The following TTLL5 variants were observed in gnomAD, a reference collection of about 807,000 sequenced individuals.
TTLL5 encodes the protein tubulin tyrosine ligase like 5.
A neutral mutation model predicts 168.4 loss-of-function variants in TTLL5; 132 were observed. The ratio of observed to expected loss-of-function variants is 0.78; its 90% CI spans 0.68 to 0.91. TTLL5 has a LOEUF of 0.91. Among genes scored for constraint, TTLL5 ranks in the 40% least tolerant of loss-of-function variants. The pLI, the probability that TTLL5 is intolerant of heterozygous loss-of-function variation, is 0.00. For synonymous variants in TTLL5, 546 were observed against 558.6 expected (o/e 0.98, Z 0.32); for missense variants, 1,545 against 1,581.5 (o/e 0.98, Z 0.39).
At chr14:75,757,678 TTATC>T (rs1194589224) in intron 18 of TTLL5, among the ~76,000 whole-genome samples, 3 of 152,244 alleles carry the variant, frequency 2.0e-5, no homozygotes, top group African/African-American at 7.2e-5. Context: ...TGTTCTCAAT[TTATC>T]TGTCTGCTTT....
At chr14:75,897,511 T>C (rs139446960) in intron 30 of TTLL5, among the ~76,000 whole-genome samples, 104 of 152,174 alleles carry the variant, frequency 6.8e-4, no homozygotes, top group Non-Finnish European at 1.3e-3. Flanking sequence ...AGTTTCACTC[T>C]TGTCACCCAG....
Position 75,836,309 on chromosome 14 carries a change from G to A in TTLL5, c.3326+16148G>A, listed in dbSNP as rs149033922. ...AGGCACAGAAAGACAAATTTTGCAT[G>A]TTCTCACTTACTTGTGGGAGCCAAA... On this transcript the variant is annotated intron_variant, in intron 28 of 31. Coordinates refer to ENST00000298832, the MANE Select transcript of TTLL5 (RefSeq NM_015072.5). Among the ~76,000 whole-genome samples, 995 of 151,722 alleles carry A rather than the reference G, an allele frequency of 6.6e-3. 13 individuals carry two copies. Among genetic ancestry groups the A allele is most frequent in the African/African-American group, 0.023 (954 of 41,350 alleles).
At chr14:75,736,844 G>A (rs1446125447) in intron 15 of TTLL5, among the ~76,000 whole-genome samples, 2 of 152,198 alleles carry the variant, frequency 1.3e-5, no homozygotes, top group African/African-American at 4.8e-5. Context: ...TACCAGGGTT[G>A]TACTTGATCA....
chr14:75,861,043 C>CT (rs1257627110), intron 28 of TTLL5, among the ~76,000 whole-genome samples: 1 of 152,182 alleles, frequency 6.6e-6, no homozygotes, highest in East Asian at 1.9e-4. Flanking sequence ...TTTTAACTGT[C>CT]TGATAACATG....
chr14:75,863,865 A>AATTCAAG lies in TTLL5; in HGVS notation c.3522+6_3522+12dup. On this transcript the variant is annotated splice_donor_region_variant and intron_variant, in intron 29 of 31. Transcript: ENST00000298832. Reference sequence around the variant, plus strand: ...ACCAGAGTCGAGCCCGGCACCAGGTAATTCAAGATAAGTCTTTTCCATGTG... The same window carrying AATTCAAG: ...ACCAGAGTCGAGCCCGGCACCAGGTAATTCAAGATTCAAGATAAGTCTTTTCCATGTG... 6.4e-7 allele frequency: 1 copy of AATTCAAG among 1,560,508 alleles called. No individual in the cohort carries two copies. Among genetic ancestry groups the AATTCAAG allele is most frequent in the South Asian group, 1.1e-5 (1 of 88,648 alleles).
chr14:75,947,755 G>C (rs2034820701), intron 31 of TTLL5, among the ~76,000 whole-genome samples: 1 of 151,860 alleles, frequency 6.6e-6, no homozygotes, highest in Non-Finnish European at 1.5e-5. Context: ...GACCAGTCTG[G>C]GCAACAAAGT....
At chr14:75,736,735 AC>A (rs1221672669) in intron 15 of TTLL5, among the ~76,000 whole-genome samples, 7 of 152,128 alleles carry the variant, frequency 4.6e-5, no homozygotes, top group African/African-American at 2.4e-5. Flanking sequence ...CCTATCTATG[AC>A]CCCGTGCTGC....
intron 27 of TTLL5, among the ~76,000 whole-genome samples, chr14:75,809,057 A>G (rs1397652032): frequency 3.9e-5 from 6 of 152,086 alleles, no homozygotes; most frequent in Non-Finnish European, 8.8e-5. Context: ...TGAGGATAAT[A>G]TGAATGCACA....
chr14:75,907,418 T>A (rs2033189209), intron 31 of TTLL5, among the ~76,000 whole-genome samples: 4 of 152,196 alleles, frequency 2.6e-5, no homozygotes, highest in Admixed American at 2.6e-4. Flanking sequence ...ATTCCTTTCC[T>A]CTTTGTTCTG....
chr14:75,863,646 C>G (rs1327126800), intron 28 of TTLL5, 21 bp from the exon 29 acceptor site: 1 of 1,580,872 alleles, frequency 6.3e-7, no homozygotes, highest in African/African-American at 1.4e-5. Context: ...CTCTAAGAAA[C>G]CTGCTTGCTT....
intron 31 of TTLL5, among the ~76,000 whole-genome samples, chr14:75,909,060 G>C (rs1294477471): frequency 6.6e-6 from 1 of 151,952 alleles, no homozygotes; most frequent in African/African-American, 2.4e-5. Flanking sequence ...TTACAGGCGT[G>C]AACCACCACA....
intron 29 of TTLL5, among the ~76,000 whole-genome samples, chr14:75,869,277 T>G (rs2030812919): frequency 6.6e-6 from 1 of 152,162 alleles, no homozygotes; most frequent in Non-Finnish European, 1.5e-5. Flanking sequence ...TCTTATTTAA[T>G]GAAAATACAT....
chr14:75,776,782 G>A lies in TTLL5; in HGVS notation c.2319G>A (p.Lys773=), dbSNP rs1178886509. 1.2e-6 allele frequency: 2 copies of A among 1,613,980 alleles called. No individual in the cohort carries two copies. Among genetic ancestry groups the A allele is most frequent in the East Asian group, 2.2e-5 (1 of 44,872 alleles). Reference sequence around the variant, plus strand: ...AAATGGCTGAAAAGAAATCAAAGAAGAAAGTTGAGGAAGAAGAGGAAGATG... The same window carrying A: ...AAATGGCTGAAAAGAAATCAAAGAAAAAAGTTGAGGAAGAAGAGGAAGATG... The part of the protein sequence containing the change: ...TEQMAEKKSK[K]KVEEEEEDGV... The change falls in exon 23 of 32, where the codon AAG becomes AAA. Residue 773 remains lysine (K), a synonymous_variant. Coordinates refer to ENST00000298832, the MANE Select transcript of TTLL5 (RefSeq NM_015072.5).
At chr14:75,712,881 A>G (rs780574689) in intron 9 of TTLL5, among the ~76,000 whole-genome samples, 7 of 152,162 alleles carry the variant, frequency 4.6e-5, no homozygotes, top group Non-Finnish European at 7.4e-5. Context: ...AAAACAATTC[A>G]TATTTGTTTT....
At chr14:75,952,521 T>C (rs1168443085) in intron 31 of TTLL5, among the ~76,000 whole-genome samples, 1 of 152,224 alleles carries the variant, frequency 6.6e-6, no homozygotes, top group Non-Finnish European at 1.5e-5. Context: ...TCCGTATCTA[T>C]ACCCAAGAGA....
rs140291071 is a variant in TTLL5 at position 75,783,514 on chromosome 14, C to G, written c.2970C>G (p.Pro990=). Residue 990 remains proline, a synonymous_variant, in exon 26 of 32, where the codon CCC becomes CCG. Coordinates refer to ENST00000298832, the MANE Select transcript of TTLL5 (RefSeq NM_015072.5). ...TCTATAGCCAGAAACTGTCTCGTCC[C>G]TCTTCAGCAAAGGCAGGTGAGTGAG... The part of the protein sequence containing the change: ...AHIYSQKLSR[P]SSAKAGSCYL... 522 of 1,613,498 alleles carry G rather than the reference C, an allele frequency of 3.2e-4. 1 individual carries two copies. In the East Asian group the frequency reaches 8.4e-3, roughly 26 times the overall value.
In TTLL5 at chr14:75,863,739, G is replaced by C; in HGVS notation, c.3399G>C (p.Val1133=). Residue 1133 remains valine, a synonymous_variant, in exon 29 of 32, where the codon GTG becomes GTC. Coordinates refer to ENST00000298832, the MANE Select transcript of TTLL5 (RefSeq NM_015072.5). ...ACGTGTACAGCCAGGCTACAGGGGT[G>C]GTCCCCCAGCACAAGTATCACCCCA... ...ENNVYSQATG[V]VPQHKYHPTA... 6.2e-7 allele frequency: 1 copy of C among 1,613,512 alleles called. No homozygotes were observed. The highest frequency in any genetic ancestry group is 8.5e-7 in the Non-Finnish European group (1 of 1,179,844).
At position 75,863,802 on chromosome 14, in the gene TTLL5, A is replaced by G; in HGVS notation, c.3462A>G (p.Gln1154=). The G allele has an allele frequency of 6.2e-7, 1 of 1,613,528 alleles. No homozygotes were observed. Among genetic ancestry groups the G allele is most frequent in the Admixed American group, 1.7e-5 (1 of 59,936 alleles). Residue 1154 remains glutamine, a synonymous_variant, in exon 29 of 32, where the codon CAA becomes CAG. Transcript: ENST00000298832. ...GSYQLQFALQ[Q]LEQQKLQSRQ... ...ATCAGCTTCAATTTGCCCTGCAGCA[A>G]CTTGAACAACAAAAACTTCAGTCCC...
At chr14:75,683,140 C>T (rs1053949093) in intron 4 of TTLL5, among the ~76,000 whole-genome samples, 1 of 152,080 alleles carries the variant, frequency 6.6e-6, no homozygotes, top group African/African-American at 2.4e-5. Context: ...CTTAACATGG[C>T]GCCTTATTGT....
Sources: gnomAD v4.1 joint callset for allele counts (sites outside exome capture counted in the v4.1 genomes callset) on GRCh38, gnomAD v4.1.1 for gene constraint, MANE v1.5 for transcripts, NCBI Gene and HGNC (gene_info 2026-07-23, HGNC 2026-07-21) for gene names.